CYB5A: variants seen among roughly 807,000 people sequenced by gnomAD.
CYB5A encodes the protein cytochrome b5 type A, also known as cytochrome b5.
A neutral mutation model predicts 16.2 loss-of-function variants in CYB5A; 10 were observed. The ratio of observed to expected loss-of-function variants is 0.62; its 90% CI spans 0.38 to 1.04. The LOEUF (loss-of-function observed/expected upper bound fraction) is 1.04. Among genes scored for constraint, CYB5A ranks in the 50% least tolerant of loss-of-function variants. The pLI, the probability that CYB5A is intolerant of heterozygous loss-of-function variation, is 0.01. For missense variants in CYB5A, 161 were observed against 165.9 expected (o/e 0.97, Z 0.16); for synonymous variants, 62 against 57.0 (o/e 1.09, Z -0.40).
chr18:74,264,201 ACT>A (rs1228576500), intron 1 of CYB5A, among the ~76,000 whole-genome samples: 106 of 78,776 alleles, frequency 1.3e-3, no homozygotes, highest in African/African-American at 4.9e-3. Flanking sequence ...ACAAAGTGAG[ACT>A]CTGTCTCAAA....
At chr18:74,270,958 T>C (rs1363195632) in intron 1 of CYB5A, among the ~76,000 whole-genome samples, 2 of 152,216 alleles carry the variant, frequency 1.3e-5, no homozygotes, top group Non-Finnish European at 2.9e-5. Flanking sequence ...ATAAATGAGA[T>C]AAGCACAGAT....
chr18:74,289,198 A>C (rs1983435026), intron 1 of CYB5A, among the ~76,000 whole-genome samples: 1 of 152,172 alleles, frequency 6.6e-6, no homozygotes, highest in East Asian at 1.9e-4. Flanking sequence ...AAAAATAAAG[A>C]AATTTGTTTT....
At chr18:74,269,629 A>T (rs910584750) in intron 1 of CYB5A, among the ~76,000 whole-genome samples, 3 of 152,162 alleles carry the variant, frequency 2.0e-5, no homozygotes, top group Non-Finnish European at 2.9e-5. Context: ...ATTCATGGGA[A>T]ATGCTGCCAC....
At chr18:74,280,316 C>T (rs1983044299) in intron 1 of CYB5A, among the ~76,000 whole-genome samples, 1 of 151,328 alleles carries the variant, frequency 6.6e-6, no homozygotes. Flanking sequence ...GTAATCCTGG[C>T]ACTTTGGGAG....
At chr18:74,286,085 G>A (rs1041586465) in intron 1 of CYB5A, among the ~76,000 whole-genome samples, 1 of 152,198 alleles carries the variant, frequency 6.6e-6, no homozygotes, top group African/African-American at 2.4e-5. Flanking sequence ...TTACAGAGCA[G>A]CATGCAGAGC....
At chr18:74,260,865 T>A in intron 3 of CYB5A, 50 bp downstream of exon 3, 2 of 1,525,056 alleles carry the variant, frequency 1.3e-6, no homozygotes, top group Non-Finnish European at 1.8e-6. Flanking sequence ...GTTTGACAAG[T>A]ATTAAATACA....
At chr18:74,278,629 A>G (rs900567675) in intron 1 of CYB5A, among the ~76,000 whole-genome samples, 3 of 152,170 alleles carry the variant, frequency 2.0e-5, no homozygotes, top group African/African-American at 7.2e-5. Context: ...ATTCACAGAA[A>G]CATCCTATGA....
intron 1 of CYB5A, 53 bp downstream of exon 1, chr18:74,291,694 C>T: frequency 6.2e-7 from 1 of 1,611,962 alleles, no homozygotes; most frequent in Non-Finnish European, 8.5e-7. Context: ...GCCAGTGAAC[C>T]CCCAAACCCG....
At chr18:74,263,235 G>A (rs1982283683) in intron 2 of CYB5A, 114 bp downstream of exon 2, 3 of 1,357,034 alleles carry the variant, frequency 2.2e-6, no homozygotes, top group Non-Finnish European at 3.1e-6. Context: ...AAAATCAGGA[G>A]TTGTTTTTGC....
At chr18:74,266,214 T>C (rs1982427968) in intron 1 of CYB5A, among the ~76,000 whole-genome samples, 1 of 152,194 alleles carries the variant, frequency 6.6e-6, no homozygotes, top group African/African-American at 2.4e-5. Context: ...TTTTGTTGAT[T>C]CCAGAAAAGT....
intron 4 of CYB5A, 135 bp from the exon 5 acceptor site, chr18:74,253,800 G>A (rs557067028): frequency 3.0e-6 from 2 of 674,318 alleles, no homozygotes; most frequent in African/African-American, 1.8e-5. Flanking sequence ...AAAAGGCAAC[G>A]TGGATTTGCT....
chr18:74,284,748 T>C (rs930689925), intron 1 of CYB5A, among the ~76,000 whole-genome samples: 3 of 152,182 alleles, frequency 2.0e-5, no homozygotes, highest in African/African-American at 4.8e-5. Context: ...TCCACATCCC[T>C]TATCCCTCGC....
intron 3 of CYB5A, chr18:74,260,023 C>A (rs1982137448): frequency 6.6e-6 from 1 of 152,046 alleles, no homozygotes; most frequent in Admixed American, 6.5e-5. Flanking sequence ...GTAAATGTGG[C>A]CTTTATGCTT....
chr18:74,263,239 T>C (rs544103728), intron 2 of CYB5A, 110 bp downstream of exon 2: 1 of 1,428,162 alleles, frequency 7.0e-7, no homozygotes, highest in African/African-American at 1.4e-5. Flanking sequence ...TCAGGAGTTG[T>C]TTTTGCTTTA....
At chr18:74,259,298 T>A (rs1982107857) in intron 3 of CYB5A, 1 of 152,254 alleles carries the variant, frequency 6.6e-6, no homozygotes, top group African/African-American at 2.4e-5. Context: ...TGCCTCAATG[T>A]TGTCAGGAAA....
In CYB5A at chr18:74,252,731, T is replaced by C. The variant is rs946072993; in HGVS notation, c.*853A>G. 1 of 151,704 alleles carries C rather than the reference T, an allele frequency of 6.6e-6. No individual in the cohort carries two copies. Among genetic ancestry groups the C allele is most frequent in the Non-Finnish European group, 1.5e-5 (1 of 67,956 alleles). The allele number at this position is 151,704 out of a possible 1,614,324, so 9.4% of individuals were successfully genotyped here. A position where few individuals can be genotyped will look rare whatever the true frequency, so the allele number is the denominator to read the frequency against. On this transcript the variant is annotated 3_prime_UTR_variant, in exon 5 of 5. Coordinates refer to ENST00000340533, the MANE Select transcript of CYB5A (RefSeq NM_148923.4). Reference sequence around the variant, plus strand: ...ACTTTCTTTTTTTTTTGAGACAGAGTTTCACTCTTGTTGCCCAGCTGGAGT... The same window carrying C: ...ACTTTCTTTTTTTTTTGAGACAGAGCTTCACTCTTGTTGCCCAGCTGGAGT...
intron 1 of CYB5A, 114 bp downstream of exon 1, chr18:74,291,633 G>A: frequency 6.7e-7 from 1 of 1,497,546 alleles, no homozygotes; most frequent in African/African-American, 1.4e-5. Context: ...GAACTCGGGG[G>A]GCGCGCCTAG....
chr18:74,264,794 G>A (rs1452336813), intron 1 of CYB5A, among the ~76,000 whole-genome samples: 2 of 152,074 alleles, frequency 1.3e-5, no homozygotes, highest in Non-Finnish European at 2.9e-5. Flanking sequence ...CATGATGCAG[G>A]GAGGGAAATT....
At chr18:74,272,035 T>C (rs539743703) in intron 1 of CYB5A, among the ~76,000 whole-genome samples, 19 of 152,324 alleles carry the variant, frequency 1.2e-4, no homozygotes, top group Non-Finnish European at 2.1e-4. Flanking sequence ...GTGTTAGAAA[T>C]AAAAGATTAT....
Sources: gnomAD v4.1 joint callset for allele counts (sites outside exome capture counted in the v4.1 genomes callset) on GRCh38, gnomAD v4.1.1 for gene constraint, MANE v1.5 for transcripts, NCBI Gene and HGNC (gene_info 2026-07-23, HGNC 2026-07-21) for gene names.